The following MCF2L2 variants were observed in gnomAD, a reference collection of about 807,000 sequenced individuals.
MCF2L2 encodes the protein MCF.2 cell line derived transforming sequence-like 2, also known as probable guanine nucleotide exchange factor MCF2L2.
Under a neutral mutation model 150.2 loss-of-function variants are expected in MCF2L2, and 102 were observed. The ratio of observed to expected loss-of-function variants is 0.68; its 90% CI spans 0.58 to 0.80. The LOEUF (loss-of-function observed/expected upper bound fraction) is 0.80. Among genes scored for constraint, MCF2L2 ranks in the 30% least tolerant of loss-of-function variants. The pLI, the probability that MCF2L2 is intolerant of heterozygous loss-of-function variation, is 0.00. For missense variants in MCF2L2, 1,256 were observed against 1,372.8 expected (o/e 0.91, Z 1.34); for synonymous variants, 465 against 491.3 (o/e 0.95, Z 0.71).
intron 15 of MCF2L2, among the ~76,000 whole-genome samples, chr3:183,250,499 G>A (rs555790385): frequency 4.0e-5 from 6 of 151,764 alleles, no homozygotes; most frequent in South Asian, 2.1e-4. Context: ...AGGCAGGAGA[G>A]TCACTTGAAC....
At chr3:183,361,739 G>A (rs1026833817) in intron 3 of MCF2L2, among the ~76,000 whole-genome samples, 2 of 152,178 alleles carry the variant, frequency 1.3e-5, no homozygotes, top group African/African-American at 2.4e-5. Flanking sequence ...ATTTGTTTTT[G>A]CTCTAATAAT....
rs1268414249 is a variant in MCF2L2 at position 183,178,525 on chromosome 3, T to C, written c.*855A>G. 6.6e-6 allele frequency: 1 copy of C among 150,618 alleles called. No individual in the cohort carries two copies. The highest frequency in any genetic ancestry group is 2.5e-5 in the African/African-American group (1 of 40,042). 9.3% of individuals were successfully genotyped at this position (150,618 alleles called of 1,614,324 possible). On this transcript the variant is annotated 3_prime_UTR_variant, in exon 30 of 30. Coordinates refer to ENST00000328913, the MANE Select transcript of MCF2L2 (RefSeq NM_015078.4). ...CCAAGCAAATTAATTTGAACATCTG[T>C]AACTCCTAAAACAAAACAACTACAT...
intron 14 of MCF2L2, 121 bp downstream of exon 14, chr3:183,288,999 G>A (rs1727961113): frequency 6.0e-6 from 4 of 668,888 alleles, no homozygotes; most frequent in Non-Finnish European, 7.9e-6. Context: ...GAAAGCATTA[G>A]TCTGTGCTAT....
chr3:183,233,429 T>C (rs1193961586), intron 15 of MCF2L2, among the ~76,000 whole-genome samples: 2 of 151,832 alleles, frequency 1.3e-5, no homozygotes, highest in Non-Finnish European at 2.9e-5. Context: ...TATATACATA[T>C]ATATGGTACA....
intron 1 of MCF2L2, among the ~76,000 whole-genome samples, chr3:183,415,476 C>T (rs1347472797): frequency 1.3e-5 from 2 of 152,150 alleles, no homozygotes; most frequent in East Asian, 1.9e-4. Context: ...CGTCAGCCAC[C>T]GCACCCGGCC....
intron 15 of MCF2L2, among the ~76,000 whole-genome samples, chr3:183,239,496 GA>G (rs1414274855): frequency 6.6e-6 from 1 of 151,756 alleles, no homozygotes; most frequent in African/African-American, 2.4e-5. Flanking sequence ...TAGCAAGAAA[GA>G]TCATTAAGGA....
intron 27 of MCF2L2, among the ~76,000 whole-genome samples, chr3:183,192,007 ATTT>A (rs768700058): frequency 7.3e-6 from 1 of 137,134 alleles, no homozygotes. Flanking sequence ...AGCGCAGCTA[ATTT>A]TTTTTTTTTT....
chr3:183,356,672 T>C (rs958621457), intron 3 of MCF2L2, among the ~76,000 whole-genome samples: 3 of 152,086 alleles, frequency 2.0e-5, no homozygotes, highest in Admixed American at 6.5e-5. Context: ...GCTACCCAAT[T>C]GCAAAGGAAA....
chr3:183,310,205 T>C (rs1286089920), intron 9 of MCF2L2, among the ~76,000 whole-genome samples: 1 of 151,396 alleles, frequency 6.6e-6, no homozygotes, highest in Non-Finnish European at 1.5e-5. Context: ...TGCAAAAATA[T>C]TTAAAAATTA....
chr3:183,180,094 C>T lies in MCF2L2; in HGVS notation c.3082G>A (p.Glu1028Lys), dbSNP rs745692411. Reference sequence around the variant, plus strand: ...ACACTCAGAGCACTGCTCTCCTTTTCCATGTCTTCTGCGCCTTCACAGTCT... The same window carrying T: ...ACACTCAGAGCACTGCTCTCCTTTTTCATGTCTTCTGCGCCTTCACAGTCT... ...FEDCEGAEDM[E>K]KESSALSLAG... Residue 1028 changes from glutamate (E) to lysine (K), a missense_variant, in exon 28 of 30, where the codon GAA (glutamate) becomes AAA (lysine). Glu to Lys is a moderately conservative substitution (Grantham distance 56). Coordinates refer to ENST00000328913, the MANE Select transcript of MCF2L2 (RefSeq NM_015078.4). 5.6e-6 allele frequency: 9 copies of T among 1,614,010 alleles called. No homozygotes were observed. Among genetic ancestry groups the T allele is most frequent in the Non-Finnish European group, 7.6e-6 (9 of 1,179,874 alleles).
intron 15 of MCF2L2, among the ~76,000 whole-genome samples, chr3:183,275,951 T>C (rs1275517296): frequency 6.6e-6 from 1 of 152,192 alleles, no homozygotes; most frequent in Non-Finnish European, 1.5e-5. Flanking sequence ...CAATAATTCA[T>C]CAACTAACTT....
intron 16 of MCF2L2, 21 bp downstream of exon 16, chr3:183,230,930 C>G (rs1266058860): frequency 1.3e-6 from 2 of 1,582,848 alleles, no homozygotes; most frequent in African/African-American, 2.7e-5. Flanking sequence ...GCTTGATACC[C>G]CACTCCCCAA....
chr3:183,314,876 C>T (rs1191968966), intron 7 of MCF2L2, among the ~76,000 whole-genome samples: 1 of 33,748 alleles, frequency 3.0e-5, no homozygotes, highest in East Asian at 7.0e-4. Flanking sequence ...GTTATTAATA[C>T]AAGTTTAAAC....
At chr3:183,219,689 C>T (rs1723072900) in intron 21 of MCF2L2, among the ~76,000 whole-genome samples, 167 bp downstream of exon 21, 1 of 151,680 alleles carries the variant, frequency 6.6e-6, no homozygotes, top group Non-Finnish European at 1.5e-5. Flanking sequence ...TTAAAATTGC[C>T]TTTAATTTTT....
At chr3:183,185,049 TG>T (rs1216120436) in intron 27 of MCF2L2, among the ~76,000 whole-genome samples, 16 of 152,062 alleles carry the variant, frequency 1.1e-4, no homozygotes, top group Non-Finnish European at 2.4e-4. Flanking sequence ...CCTGAGTAGC[TG>T]GGGACTACAG....
Position 183,270,297 on chromosome 3 carries a change from A to G in MCF2L2, c.1862+6575T>C. The stretch of plus-strand genomic sequence containing the variant: ...GCAAGACTTTGTTGATTCTTTCTAC[A>G]ATCTTACTCTGAAATTACTTATGCA... On this transcript the variant is annotated intron_variant, in intron 15 of 29. Coordinates refer to ENST00000328913, the MANE Select transcript of MCF2L2 (RefSeq NM_015078.4). The surrounding 1 kb of genome is among the most constrained non-coding windows in gnomAD (Gnocchi z 4.5). The G allele has an allele frequency of 6.2e-7, 1 of 1,614,216 alleles. No individual in the cohort carries two copies. The highest frequency in any genetic ancestry group is 8.5e-7 in the Non-Finnish European group (1 of 1,180,030).
chr3:183,335,280 G>C (rs911438435), intron 5 of MCF2L2, among the ~76,000 whole-genome samples: 2 of 151,658 alleles, frequency 1.3e-5, no homozygotes, highest in African/African-American at 2.4e-5. Context: ...TATTGTGTAT[G>C]GATCTCTTTA....
At chr3:183,254,530 G>T (rs1192868568) in intron 15 of MCF2L2, 2 of 152,118 alleles carry the variant, frequency 1.3e-5, no homozygotes, top group Non-Finnish European at 2.9e-5. Context: ...GGGCAGCTCC[G>T]GTTGGGGCGG....
chr3:183,300,176 C>G lies in MCF2L2; in HGVS notation c.1134G>C (p.Gln378His). The change falls in exon 11 of 30, where the codon CAG becomes CAC. Residue 378 changes from glutamine (Q) to histidine (H), a missense_variant. Gln to His is a conservative substitution (Grantham distance 24, BLOSUM62 0). Coordinates refer to ENST00000328913, the MANE Select transcript of MCF2L2 (RefSeq NM_015078.4). Reference sequence around the variant, plus strand: ...GCTGGTCCCCAACCAGTGCCAGCAGCTGGGCCTTTTCCAGGGGCTCCTGCA... The same window carrying G: ...GCTGGTCCCCAACCAGTGCCAGCAGGTGGGCCTTTTCCAGGGGCTCCTGCA... Reference protein sequence around the residue: ...EKSQEPLEKAQLLALVGDQLI... With the variant: ...EKSQEPLEKAHLLALVGDQLI... 1 of 1,604,154 alleles carries G rather than the reference C, an allele frequency of 6.2e-7. No homozygotes were observed. Among genetic ancestry groups the G allele is most frequent in the Non-Finnish European group, 8.5e-7 (1 of 1,177,520 alleles).
Sources: allele counts gnomAD v4.1 joint callset (sites outside exome capture counted in the v4.1 genomes callset), GRCh38; gene constraint gnomAD v4.1.1; non-coding constraint Gnocchi (gnomAD v3.1); transcripts MANE v1.5; gene names NCBI Gene and HGNC (gene_info 2026-07-23, HGNC 2026-07-21).